The following GPD2 variants were observed in gnomAD, a reference collection of about 807,000 sequenced individuals.
The protein encoded by GPD2 is glycerol-3-phosphate dehydrogenase 2, also known as glycerol-3-phosphate dehydrogenase, mitochondrial.
A neutral mutation model predicts 82.4 loss-of-function variants in GPD2; 54 were observed. The ratio of observed to expected loss-of-function variants is 0.66; its 90% CI spans 0.53 to 0.82. GPD2 has a LOEUF of 0.82. Ranked by LOEUF, GPD2 falls within the 40% of genes least tolerant of loss-of-function variation. The pLI is 0.00. For missense variants in GPD2, 748 were observed against 896.2 expected (o/e 0.83, Z 2.11); for synonymous variants, 288 against 306.1 (o/e 0.94, Z 0.62).
chr2:156,419,831 A>T, the GPD2 span, among the ~76,000 whole-genome samples: 3 of 152,206 alleles, frequency 2.0e-5, no homozygotes, highest in Non-Finnish European at 4.4e-5. Context: ...TCTATGGCTA[A>T]TCCTGTTTTT....
chr2:156,488,045 T>G (rs908247033), intron 2 of GPD2, among the ~76,000 whole-genome samples: 2 of 152,206 alleles, frequency 1.3e-5, no homozygotes, highest in African/African-American at 2.4e-5. Context: ...CAAGGGGAAC[T>G]AGACCTTCAT....
Position 156,453,653 on chromosome 2 carries a change from G to T in GPD2, c.-9+17140G>T, listed in dbSNP as rs1331867173. Among the ~76,000 whole-genome samples, 3 of 152,132 alleles carry T rather than the reference G, an allele frequency of 2.0e-5. No individual in the cohort carries two copies. The East Asian group carries it at 5.8e-4, about 29-fold the overall frequency. ...GCACTTCGGGAGGCTGAGGCGGGTG[G>T]ATCACCTGAGGTCAGGAGTTTGAGA... On this transcript the variant is annotated intron_variant, in intron 1 of 16. Coordinates refer to ENST00000438166, the MANE Select transcript of GPD2 (RefSeq NM_000408.5).
intron 1 of GPD2, among the ~76,000 whole-genome samples, chr2:156,464,266 G>T (rs896837861): frequency 1.3e-5 from 2 of 152,084 alleles, no homozygotes; most frequent in East Asian, 3.8e-4. Flanking sequence ...ATTTCCTTGT[G>T]AGTCAGACAT....
At chr2:156,488,870 C>G (rs534034461) in intron 2 of GPD2, among the ~76,000 whole-genome samples, 119 of 152,226 alleles carry the variant, frequency 7.8e-4, no homozygotes, top group Non-Finnish European at 1.4e-3. Flanking sequence ...AAATCTACTT[C>G]TCCCATAATT....
chr2:156,574,521 A>G (rs1304443838), intron 13 of GPD2, among the ~76,000 whole-genome samples: 2 of 152,196 alleles, frequency 1.3e-5, no homozygotes, highest in Admixed American at 6.5e-5. Context: ...TGTTCAGACA[A>G]AAGATCCATT....
intron 1 of GPD2, among the ~76,000 whole-genome samples, chr2:156,446,005 T>C (rs1327434173): frequency 6.6e-6 from 1 of 152,258 alleles, no homozygotes; most frequent in Non-Finnish European, 1.5e-5. Flanking sequence ...TCTTCCATTT[T>C]ATGACTCAGC....
chr2:156,496,869 T>TC (rs35426018), intron 3 of GPD2, among the ~76,000 whole-genome samples: 139,076 of 152,172 alleles, frequency 0.91, 64,852 homozygotes, highest in East Asian at 1. Context: ...AATCATCTCT[T>TC]CAGTGAAATA....
At chr2:156,425,098 T>TTG in the GPD2 span, among the ~76,000 whole-genome samples, 1 of 148,712 alleles carries the variant, frequency 6.7e-6, no homozygotes, top group African/African-American at 2.5e-5. Context: ...TATTTTTTTT[T>TTG]TTGTTTTTGT....
chr2:156,450,142 A>G (rs1477191034), intron 1 of GPD2, among the ~76,000 whole-genome samples: 2 of 152,228 alleles, frequency 1.3e-5, no homozygotes, highest in African/African-American at 4.8e-5. Flanking sequence ...TGCATTTTCT[A>G]TTTGAGAGCT....
intron 9 of GPD2, 36 bp downstream of exon 9, chr2:156,557,618 T>A: frequency 8.8e-7 from 1 of 1,139,198 alleles, no homozygotes; most frequent in East Asian, 2.3e-5. Context: ...TCTCTCTGTG[T>A]CCATATCTCC....
chr2:156,435,464 G>T (rs533751274), upstream of GPD2: 1 of 152,278 alleles, frequency 6.6e-6, no homozygotes, highest in African/African-American at 2.4e-5. Flanking sequence ...GGTGGCGGGG[G>T]GTTGCAAGTG....
chr2:156,532,348 T>C (rs1685899357), intron 6 of GPD2, among the ~76,000 whole-genome samples: 1 of 152,182 alleles, frequency 6.6e-6, no homozygotes, highest in Admixed American at 6.5e-5. Flanking sequence ...TTTTTGTGAT[T>C]ATGTGTCTCA....
chr2:156,534,256 G>A (rs1300802966), intron 6 of GPD2, among the ~76,000 whole-genome samples: 1 of 140,398 alleles, frequency 7.1e-6, no homozygotes, highest in Non-Finnish European at 1.6e-5. Flanking sequence ...TCTCTCCTCT[G>A]CTGTGCCACT....
intron 8 of GPD2, among the ~76,000 whole-genome samples, chr2:156,551,152 G>C (rs1686744227): frequency 6.6e-6 from 1 of 152,080 alleles, no homozygotes; most frequent in African/African-American, 2.4e-5. Flanking sequence ...AGAATCTGAA[G>C]ATGTGGGCTA....
chr2:156,439,412 C>T (rs981268176), intron 1 of GPD2, among the ~76,000 whole-genome samples: 1 of 146,068 alleles, frequency 6.8e-6, no homozygotes, highest in African/African-American at 2.5e-5. Context: ...GAAACCCCAT[C>T]TTTACAAAAA....
At chr2:156,574,346 A>G (rs185774042) in intron 13 of GPD2, among the ~76,000 whole-genome samples, 4 of 152,334 alleles carry the variant, frequency 2.6e-5, no homozygotes, top group African/African-American at 9.6e-5. Flanking sequence ...AATTGCAATT[A>G]GAACCTTTAA....
chr2:156,488,395 C>T (rs1264738491), intron 2 of GPD2, among the ~76,000 whole-genome samples: 5 of 152,140 alleles, frequency 3.3e-5, no homozygotes, highest in South Asian at 4.1e-4. Context: ...TTAAATCTTA[C>T]GATTCCATCG....
At chr2:156,535,540 G>GCATCTAC (rs1383600095) in intron 6 of GPD2, among the ~76,000 whole-genome samples, 3 of 151,834 alleles carry the variant, frequency 2.0e-5, no homozygotes, top group Non-Finnish European at 4.4e-5. Flanking sequence ...GACAACTCCA[G>GCATCTAC]CATCTACTAC....
chr2:156,492,153 T>A (rs1684202813), intron 2 of GPD2, among the ~76,000 whole-genome samples: 1 of 129,170 alleles, frequency 7.7e-6, no homozygotes, highest in African/African-American at 2.9e-5. Flanking sequence ...CTACCTTTTT[T>A]TTTTTTTTTT....
Sources: gnomAD v4.1 joint callset for allele counts (sites outside exome capture counted in the v4.1 genomes callset) on GRCh38, gnomAD v4.1.1 for gene constraint, MANE v1.5 for transcripts, NCBI Gene and HGNC (gene_info 2026-07-23, HGNC 2026-07-21) for gene names.